The following PCDH11Y variants were observed in gnomAD, a reference collection of about 807,000 sequenced individuals.
The protein encoded by PCDH11Y is protocadherin 11 Y-linked, also known as protocadherin-11 Y-linked.
For synonymous variants in PCDH11Y, 9 were observed against 83.6 expected (o/e 0.11, Z 4.87); for missense variants, 12 against 224.8 (o/e 0.05, Z 6.05).
At chrY:5,695,867 T>A in intron 4 of PCDH11Y, among the ~76,000 whole-genome samples, 1 of 31,617 alleles carries the variant, frequency 3.2e-5, no homozygotes, top group Non-Finnish European at 7.7e-5. Flanking sequence ...GTAGTTATTA[T>A]TTTTTATTGC....
chrY:5,650,737 C>T, intron 4 of PCDH11Y, among the ~76,000 whole-genome samples: 1 of 32,254 alleles, frequency 3.1e-5, no homozygotes, highest in Non-Finnish European at 7.6e-5. Flanking sequence ...ATGAAAATTT[C>T]CTCAACCAGA....
intron 1 of PCDH11Y, among the ~76,000 whole-genome samples, chrY:5,001,595 G>C: frequency 6.0e-5 from 2 of 33,462 alleles, no homozygotes; most frequent in African/African-American, 1.2e-4. Context: ...TTCGAGGAAA[G>C]TAATGTACCT....
At chrY:5,424,245 T>C in intron 2 of PCDH11Y, among the ~76,000 whole-genome samples, 10 of 33,825 alleles carry the variant, frequency 3.0e-4, no homozygotes, top group Admixed American at 1.6e-3. Context: ...TACAATTGTA[T>C]TATTAATTTT....
intron 4 of PCDH11Y, among the ~76,000 whole-genome samples, chrY:5,710,310 G>C: frequency 3.1e-5 from 1 of 31,986 alleles, no homozygotes; most frequent in Non-Finnish European, 7.6e-5. Context: ...CCAAGGGAAA[G>C]GGAACTTGGA....
chrY:5,499,204 T>A, intron 2 of PCDH11Y, among the ~76,000 whole-genome samples: 1 of 32,565 alleles, frequency 3.1e-5, no homozygotes, highest in Non-Finnish European at 7.5e-5. Context: ...TCCTCAATAT[T>A]ACTTAGTTCC....
chrY:5,454,445 C>T, intron 2 of PCDH11Y, among the ~76,000 whole-genome samples: 1 of 33,632 alleles, frequency 3.0e-5, no homozygotes, highest in Non-Finnish European at 7.4e-5. Flanking sequence ...TCTCACAGCT[C>T]CACTAGGCAA....
intron 4 of PCDH11Y, among the ~76,000 whole-genome samples, chrY:5,593,729 T>C: frequency 3.2e-5 from 1 of 31,453 alleles, no homozygotes; most frequent in African/African-American, 1.3e-4. Context: ...GGTTTAGTTG[T>C]GGTACAAGCT....
intron 4 of PCDH11Y, among the ~76,000 whole-genome samples, chrY:5,672,673 G>C: frequency 3.1e-5 from 1 of 31,769 alleles, no homozygotes; most frequent in African/African-American, 1.2e-4. Context: ...TTTTTTATTA[G>C]TCAGTCTAGC....
chrY:5,564,709 G>T, intron 3 of PCDH11Y, among the ~76,000 whole-genome samples: 1 of 33,190 alleles, frequency 3.0e-5, no homozygotes, highest in African/African-American at 1.2e-4. Flanking sequence ...ATGAATTTTT[G>T]AATGAAACAA....
At chrY:5,226,898 C>T (rs2052961303) in intron 2 of PCDH11Y, among the ~76,000 whole-genome samples, 1 of 29,338 alleles carries the variant, frequency 3.4e-5, no homozygotes, top group Non-Finnish European at 8.0e-5. Flanking sequence ...TTTGTTCTTT[C>T]GCTTAGAATA....
At chrY:5,586,743 A>G in intron 4 of PCDH11Y, among the ~76,000 whole-genome samples, 1 of 31,769 alleles carries the variant, frequency 3.1e-5, no homozygotes, top group Non-Finnish European at 7.8e-5. Flanking sequence ...AATAATGGCC[A>G]TTAATCATCT....
chrY:5,458,585 G>T (rs2053300337), intron 2 of PCDH11Y, among the ~76,000 whole-genome samples: 1 of 27,507 alleles, frequency 3.6e-5, no homozygotes. Flanking sequence ...GTAATAGGCT[G>T]CTTTTCTCCT....
intron 2 of PCDH11Y, among the ~76,000 whole-genome samples, chrY:5,141,180 A>AT (rs2052848504): frequency 1.1e-4 from 1 of 9,087 alleles, no homozygotes; most frequent in Non-Finnish European, 2.4e-4. Flanking sequence ...TGAACTCATC[A>AT]TTTTTTATGG....
intron 2 of PCDH11Y, among the ~76,000 whole-genome samples, chrY:5,312,806 G>A (rs2053103199): frequency 3.3e-5 from 1 of 30,512 alleles, no homozygotes; most frequent in African/African-American, 1.3e-4. Context: ...AGATTATATA[G>A]ATTTAATAAA....
chrY:5,305,908 G>C, intron 2 of PCDH11Y, among the ~76,000 whole-genome samples: 1 of 31,549 alleles, frequency 3.2e-5, no homozygotes, highest in Non-Finnish European at 7.6e-5. Context: ...GGAAACTTGA[G>C]AGAGATCTGA....
At chrY:5,443,216 T>A (rs2124681973) in intron 2 of PCDH11Y, among the ~76,000 whole-genome samples, 1 of 33,007 alleles carries the variant, frequency 3.0e-5, no homozygotes, top group East Asian at 8.0e-4. Flanking sequence ...AAGGATACTA[T>A]TTCATGAACA....
At chrY:5,481,995 T>TC (rs2053326390) in intron 2 of PCDH11Y, among the ~76,000 whole-genome samples, 2 of 26,838 alleles carry the variant, frequency 7.5e-5, no homozygotes, top group Non-Finnish European at 9.4e-5. Context: ...TGTTCTTTTT[T>TC]CTTTTTTTTT....
chrY:5,563,223 T>C (rs2053431096), intron 3 of PCDH11Y, among the ~76,000 whole-genome samples: 1 of 33,042 alleles, frequency 3.0e-5, no homozygotes, highest in Non-Finnish European at 7.4e-5. Context: ...CAAAAAGCTC[T>C]AGAGTCAGCA....
intron 1 of PCDH11Y, among the ~76,000 whole-genome samples, chrY:5,000,963 A>G: frequency 3.0e-5 from 1 of 33,841 alleles, no homozygotes; most frequent in African/African-American, 1.2e-4. Context: ...AGCGAGGCTG[A>G]GGGAAACTCT....
Sources: gnomAD v4.1 joint callset for allele counts (sites outside exome capture counted in the v4.1 genomes callset) on GRCh38, gnomAD v4.1.1 for gene constraint, MANE v1.5 for transcripts, NCBI Gene and HGNC (gene_info 2026-07-23, HGNC 2026-07-21) for gene names.